CMTR1: variants seen among roughly 807,000 people sequenced by gnomAD.
The protein encoded by CMTR1 is cap methyltransferase 1.
A neutral mutation model predicts 107.0 loss-of-function variants in CMTR1; 39 were observed. That is an observed-to-expected ratio of 0.36 (90% CI 0.28 to 0.48). The LOEUF (loss-of-function observed/expected upper bound fraction) is 0.48, where lower values mean the gene tolerates loss of function less well. Ranked by LOEUF, CMTR1 falls within the 20% of genes least tolerant of loss-of-function variation. CMTR1 has a pLI of 0.99. For missense variants in CMTR1, 672 were observed against 1,064.9 expected (o/e 0.63, Z 5.14); for synonymous variants, 366 against 379.5 (o/e 0.96, Z 0.41).
At chr6:37,476,382 G>T (rs1206886649) in intron 20 of CMTR1, among the ~76,000 whole-genome samples, 188 bp downstream of exon 20, 1 of 152,146 alleles carries the variant, frequency 6.6e-6, no homozygotes, top group Non-Finnish European at 1.5e-5. Context: ...TCCCCATCCT[G>T]CCTGGCAGTG....
At chr6:37,450,128 C>A in intron 4 of CMTR1, 123 bp from the exon 5 acceptor site, 2 of 739,052 alleles carry the variant, frequency 2.7e-6, no homozygotes, top group Non-Finnish European at 4.5e-6. Flanking sequence ...TTGGCTTCAG[C>A]AACCTGCACC....
chr6:37,468,380 A>G (rs976560133), intron 13 of CMTR1, among the ~76,000 whole-genome samples: 1 of 152,202 alleles, frequency 6.6e-6, no homozygotes, highest in African/African-American at 2.4e-5. Context: ...ATAGTCTTTT[A>G]AAGATGCACA....
At chr6:37,450,039 T>C (rs562058073) in intron 4 of CMTR1, among the ~76,000 whole-genome samples, 1 of 152,330 alleles carries the variant, frequency 6.6e-6, no homozygotes, top group East Asian at 1.9e-4. Flanking sequence ...TTTCTAAGGA[T>C]TCTAACCAGA....
chr6:37,425,581 C>T, the CMTR1 span, among the ~76,000 whole-genome samples: 2 of 152,054 alleles, frequency 1.3e-5, no homozygotes, highest in Non-Finnish European at 2.9e-5. Flanking sequence ...TGAGCCACCA[C>T]GTTTTAGCAA....
intron 15 of CMTR1, 35 bp downstream of exon 15, chr6:37,471,939 C>T: frequency 1.3e-6 from 2 of 1,598,940 alleles, no homozygotes; most frequent in Non-Finnish European, 1.7e-6. Context: ...TGCTTCAGGG[C>T]AGGGAAGCCA....
At position 37,480,454 on chromosome 6, in the gene CMTR1, T is replaced by C. The variant is rs1021521366; in HGVS notation, c.*309T>C. On this transcript the variant is annotated 3_prime_UTR_variant, in exon 24 of 24. Coordinates refer to ENST00000373451, the MANE Select transcript of CMTR1 (RefSeq NM_015050.3). ...GCACGTGGGACTGATGGAGGACATA[T>C]CAGAGTGGCAGAGCTGTGGGCTCTG... 1.1e-4 allele frequency: 136 copies of C among 1,191,142 alleles called. No individual in the cohort carries two copies. Among genetic ancestry groups the C allele is most frequent in the Non-Finnish European group, 1.4e-4 (131 of 958,998 alleles). The allele number at this position is 1,191,142 out of a possible 1,614,324, so 73.8% of individuals were successfully genotyped here.
chr6:37,445,484 C>CTTTTT (rs370310831), intron 3 of CMTR1, among the ~76,000 whole-genome samples: 12 of 109,186 alleles, frequency 1.1e-4, no homozygotes, highest in African/African-American at 2.6e-4. Context: ...CATACCTCAC[C>CTTTTT]TTTTTTTTTT....
At chr6:37,424,008 G>C in the CMTR1 span, among the ~76,000 whole-genome samples, 1 of 152,170 alleles carries the variant, frequency 6.6e-6, no homozygotes, top group African/African-American at 2.4e-5. Flanking sequence ...CTGGCAAAGA[G>C]AAGAGAAGAC....
Position 37,480,164 on chromosome 6 carries a change from C to A in CMTR1, c.*19C>A, listed in dbSNP as rs770254746. On this transcript the variant is annotated 3_prime_UTR_variant, in exon 24 of 24. Transcript: ENST00000373451. ...GGCCTAAGAGCCTCAGAATGTGCCA[C>A]CCCTGCAGAATGCCCTGTCATTCCT... 4 of 1,596,706 alleles carry A rather than the reference C, an allele frequency of 2.5e-6. No homozygotes were observed. The highest frequency in any genetic ancestry group is 3.5e-5 in the Admixed American group (2 of 57,816).
At chr6:37,450,605 A>C (rs909026153) in intron 5 of CMTR1, among the ~76,000 whole-genome samples, 5 of 152,164 alleles carry the variant, frequency 3.3e-5, no homozygotes, top group Non-Finnish European at 7.3e-5. Flanking sequence ...TTCTTCATGG[A>C]TGCCTTTTGA....
upstream of CMTR1, among the ~76,000 whole-genome samples, chr6:37,429,862 C>T (rs1166900947): frequency 1.3e-5 from 2 of 151,880 alleles, no homozygotes; most frequent in Admixed American, 6.6e-5. Flanking sequence ...TGCTTGAACC[C>T]GGGAGGTGGA....
At chr6:37,449,760 G>A (rs1335763451) in intron 4 of CMTR1, among the ~76,000 whole-genome samples, 1 of 152,230 alleles carries the variant, frequency 6.6e-6, no homozygotes, top group African/African-American at 2.4e-5. Context: ...CTGTTTACCA[G>A]TTTCTGGATT....
intron 11 of CMTR1, 109 bp from the exon 12 acceptor site, chr6:37,461,861 G>T: frequency 7.9e-7 from 1 of 1,265,604 alleles, no homozygotes; most frequent in South Asian, 1.3e-5. Context: ...AGTTTTAACA[G>T]ACCCAGGTGC....
chr6:37,451,160 G>A (rs1039990192), intron 5 of CMTR1, among the ~76,000 whole-genome samples: 13 of 151,424 alleles, frequency 8.6e-5, no homozygotes, highest in African/African-American at 3.2e-4. Context: ...AATCTGTTTT[G>A]ATTTTTAATA....
chr6:37,480,051 A>C lies in CMTR1; in HGVS notation c.2414A>C (p.Asp805Ala), dbSNP rs377468427. Residue 805 changes from aspartate to alanine, a missense_variant, in exon 24 of 24, where the codon GAT becomes GCT. Coordinates refer to ENST00000373451, the MANE Select transcript of CMTR1 (RefSeq NM_015050.3). ...YYGRLFWEWG[D>A]GIRVHDSQKP... is the part of the protein sequence containing the mutation. ...GGCCGGCTCTTCTGGGAGTGGGGGG[A>C]TGGCATTCGTGTGCATGACTCCCAG... The C allele has an allele frequency of 5.1e-6, 8 of 1,579,968 alleles. No individual in the cohort carries two copies. The highest frequency in any genetic ancestry group is 1.9e-5 in the Admixed American group (1 of 52,452).
intron 11 of CMTR1, 33 bp downstream of exon 11, chr6:37,461,678 G>A: frequency 7.1e-7 from 1 of 1,405,648 alleles, no homozygotes; most frequent in Non-Finnish European, 9.9e-7. Flanking sequence ...CTCACCCCAG[G>A]ACCCACTTAG....
Position 37,480,158 on chromosome 6 carries a change from G to A in CMTR1, c.*13G>A. ...GCACAGGGCCTAAGAGCCTCAGAATGTGCCACCCCTGCAGAATGCCCTGTC... is the reference window on the plus strand; with the variant it reads ...GCACAGGGCCTAAGAGCCTCAGAATATGCCACCCCTGCAGAATGCCCTGTC... On this transcript the variant is annotated 3_prime_UTR_variant, in exon 24 of 24. Coordinates refer to ENST00000373451, the MANE Select transcript of CMTR1 (RefSeq NM_015050.3). 6.3e-7 allele frequency: 1 copy of A among 1,597,126 alleles called. No homozygotes were observed. Among genetic ancestry groups the A allele is most frequent in the Non-Finnish European group, 8.5e-7 (1 of 1,172,432 alleles).
Position 37,453,039 on chromosome 6 carries a change from C to G in CMTR1, c.610-8C>G. On this transcript the variant is annotated splice_polypyrimidine_tract_variant and splice_region_variant and intron_variant, in intron 6 of 23. Coordinates refer to ENST00000373451, the MANE Select transcript of CMTR1 (RefSeq NM_015050.3). ...GAATTCACCTTGAGGTTCTGATTCT[C>G]TGGGCAGAGCGTGTTTGATGTCTTG... 6.2e-7 allele frequency: 1 copy of G among 1,613,862 alleles called. No individual in the cohort carries two copies. Among genetic ancestry groups the G allele is most frequent in the South Asian group, 1.1e-5 (1 of 91,078 alleles).
intron 22 of CMTR1, among the ~76,000 whole-genome samples, 171 bp from the exon 23 acceptor site, chr6:37,478,976 T>C (rs1761800736): frequency 6.6e-6 from 1 of 152,184 alleles, no homozygotes; most frequent in African/African-American, 2.4e-5. Flanking sequence ...GTAGTCATTC[T>C]CCTGCAGCCC....
Sources: gnomAD v4.1 joint callset for allele counts (sites outside exome capture counted in the v4.1 genomes callset) on GRCh38, gnomAD v4.1.1 for gene constraint, MANE v1.5 for transcripts, NCBI Gene and HGNC (gene_info 2026-07-23, HGNC 2026-07-21) for gene names.